The following KCNMA1 variants were observed in gnomAD, a reference collection of about 807,000 sequenced individuals.
KCNMA1 encodes the protein potassium calcium-activated channel subfamily M alpha 1.
KCNMA1 carries 29 observed loss-of-function variants against 140.0 expected under a neutral mutation model. The ratio of observed to expected loss-of-function variants is 0.21; its 90% CI spans 0.15 to 0.28. The LOEUF is 0.28. KCNMA1 is among the 10% of genes least tolerant of loss of function. The pLI, the probability that KCNMA1 is intolerant of heterozygous loss-of-function variation, is 1.00. For missense variants in KCNMA1, 880 were observed against 1,602.2 expected (o/e 0.55, Z 7.70); for synonymous variants, 612 against 611.9 (o/e 1.00, Z 0.00).
chr10:77,184,049 C>T (rs1458486173), intron 4 of KCNMA1, among the ~76,000 whole-genome samples: 1 of 144,150 alleles, frequency 6.9e-6, no homozygotes, highest in Non-Finnish European at 1.5e-5. Context: ...AAATAAAGCA[C>T]ATATGTACGC....
At chr10:77,210,139 G>T (rs530488486) in intron 3 of KCNMA1, among the ~76,000 whole-genome samples, 1 of 152,110 alleles carries the variant, frequency 6.6e-6, no homozygotes, top group Non-Finnish European at 1.5e-5. Context: ...CAATATCCCT[G>T]ATGAACATAG....
At position 77,556,177 on chromosome 10, in the gene KCNMA1, GTAT is replaced by G. The variant is rs2064293592; in HGVS notation, c.378+81085_378+81087del. 2.0e-5 allele frequency among the ~76,000 whole-genome samples: 3 copies of G among 152,090 alleles called. No individual in the cohort carries two copies. The South Asian group carries it at 6.2e-4, about 32-fold the overall frequency. On this transcript the variant is annotated intron_variant, in intron 1 of 27. Coordinates refer to ENST00000286628, the MANE Select transcript of KCNMA1 (RefSeq NM_001161352.2). ...GCCTGTGTCTTCACCTTTAAAAATG[GTAT>G]TATAGTTCTCAAAGTAATTGCGAGG...
intron 1 of KCNMA1, among the ~76,000 whole-genome samples, chr10:77,598,762 C>G (rs909516877): frequency 6.6e-6 from 1 of 152,174 alleles, no homozygotes; most frequent in East Asian, 1.9e-4. Flanking sequence ...ATCCCTGCCC[C>G]GCATCCAGTG....
chr10:77,238,214 C>T lies in KCNMA1; in HGVS notation c.602+12981G>A, dbSNP rs138483271. Among the ~76,000 whole-genome samples the T allele has an allele frequency of 1.5e-3, 223 of 152,304 alleles. No individual in the cohort carries two copies. The East Asian group carries it at 0.027, about 18-fold the overall frequency. ...GATCCCTGGCGACTCTCTACACTCA[C>T]CTCTTCCTCTCCAATGGAGGGTGAG... On this transcript the variant is annotated intron_variant, in intron 3 of 27. Coordinates refer to ENST00000286628, the MANE Select transcript of KCNMA1 (RefSeq NM_001161352.2).
intron 24 of KCNMA1, chr10:76,912,117 TC>T (rs2050572286): frequency 6.6e-6 from 1 of 152,096 alleles, no homozygotes; most frequent in African/African-American, 2.4e-5. Flanking sequence ...AAATACCCAG[TC>T]TCAGAAGGAG....
chr10:77,119,950 T>A (rs2097559755), intron 6 of KCNMA1, among the ~76,000 whole-genome samples: 1 of 152,100 alleles, frequency 6.6e-6, no homozygotes, highest in Admixed American at 6.5e-5. Context: ...GTAAAGCCAA[T>A]CATAGGTTGA....
chr10:77,544,395 A>C (rs1020433841), intron 1 of KCNMA1, among the ~76,000 whole-genome samples: 1 of 152,182 alleles, frequency 6.6e-6, no homozygotes, highest in African/African-American at 2.4e-5. Flanking sequence ...CAGGAATCTG[A>C]TTCCTGAATC....
chr10:77,429,484 C>T (rs556224789), intron 1 of KCNMA1, among the ~76,000 whole-genome samples: 12 of 152,172 alleles, frequency 7.9e-5, no homozygotes, highest in Non-Finnish European at 7.3e-5. Flanking sequence ...ATTTGAACAT[C>T]GCTGGTCTAC....
chr10:77,362,241 C>T (rs1418188933), intron 2 of KCNMA1, among the ~76,000 whole-genome samples: 3 of 152,100 alleles, frequency 2.0e-5, no homozygotes, highest in Non-Finnish European at 4.4e-5. Context: ...GAGACCCTTC[C>T]GATCCATTGT....
intron 1 of KCNMA1, among the ~76,000 whole-genome samples, chr10:77,515,887 T>C (rs2050212069): frequency 6.6e-6 from 1 of 151,976 alleles, no homozygotes; most frequent in South Asian, 2.1e-4. Flanking sequence ...ACACACAACT[T>C]CCAGGCACTT....
chr10:76,943,183 G>A (rs748947988), intron 23 of KCNMA1, among the ~76,000 whole-genome samples: 6 of 152,144 alleles, frequency 3.9e-5, no homozygotes, highest in Admixed American at 2.6e-4. Context: ...TGTGCTACCC[G>A]GGCAGGCCGC....
intron 14 of KCNMA1, among the ~76,000 whole-genome samples, chr10:77,062,847 G>A (rs2095804118): frequency 6.6e-6 from 1 of 152,162 alleles, no homozygotes; most frequent in African/African-American, 2.4e-5. Flanking sequence ...CATTTCTCTT[G>A]GAGAAGCAAT....
chr10:77,110,460 A>C, intron 7 of KCNMA1, 117 bp from the exon 8 acceptor site: 2 of 859,436 alleles, frequency 2.3e-6, no homozygotes, highest in Non-Finnish European at 4.0e-6. Flanking sequence ...ACCACTCTCC[A>C]CACGAGATGT....
At chr10:77,051,345 C>A (rs2095357072) in intron 14 of KCNMA1, among the ~76,000 whole-genome samples, 1 of 152,170 alleles carries the variant, frequency 6.6e-6, no homozygotes, top group African/African-American at 2.4e-5. Flanking sequence ...GCCATTCCAG[C>A]CGCAAGCATA....
intron 29 of KCNMA1, among the ~76,000 whole-genome samples, chr10:76,878,223 G>A (rs2032950209): frequency 6.6e-6 from 1 of 152,142 alleles, no homozygotes; most frequent in Admixed American, 6.5e-5. Flanking sequence ...TTGGTGGGGA[G>A]GGGATGTTGC....
rs754351803 is a variant in KCNMA1, at chr10:77,637,258, G to A, written c.378+7C>T. The A allele has an allele frequency of 3.8e-6, 6 of 1,599,800 alleles. No homozygotes were observed. The highest frequency in any genetic ancestry group is 2.2e-5 in the South Asian group (2 of 89,820). ...CGCAGAGGGCGGGCGCCCGGGGCGC[G>A]CGTTACCTTCGTCTTGCCCCCGCAG... On this transcript the variant is annotated splice_region_variant and intron_variant, in intron 1 of 27. Transcript: ENST00000286628.
chr10:76,967,043 C>T (rs113136466), intron 20 of KCNMA1, among the ~76,000 whole-genome samples: 10 of 152,292 alleles, frequency 6.6e-5, no homozygotes, highest in Admixed American at 2.0e-4. Context: ...GCAGAGTCCC[C>T]GTTGCATCTC....
At chr10:77,107,680 G>A (rs1225923524) in intron 9 of KCNMA1, among the ~76,000 whole-genome samples, 1 of 152,186 alleles carries the variant, frequency 6.6e-6, no homozygotes, top group Admixed American at 6.5e-5. Context: ...CATTTGGGAA[G>A]CCAAACAAAA....
Position 77,234,091 on chromosome 10 carries a change from A to C in KCNMA1, c.602+17104T>G, listed in dbSNP as rs2054571491. Among the ~76,000 whole-genome samples, 5 of 152,344 alleles carry C rather than the reference A, an allele frequency of 3.3e-5. No homozygotes were observed. The South Asian group carries it at 1.0e-3, about 32-fold the overall frequency. ...TCCTACTTTAAAATGATGGTGGTAT[A>C]TTAGAATTATTGCTGGATCTTCATA... is the stretch of plus-strand genomic sequence containing the variant. On this transcript the variant is annotated intron_variant, in intron 3 of 27. Transcript: ENST00000286628.
Sources: allele counts gnomAD v4.1 joint callset (sites outside exome capture counted in the v4.1 genomes callset), GRCh38; gene constraint gnomAD v4.1.1; transcripts MANE v1.5; gene names NCBI Gene and HGNC (gene_info 2026-07-23, HGNC 2026-07-21).